The following TENM1 variants were observed in gnomAD, a reference collection of about 807,000 sequenced individuals.
The protein encoded by TENM1 is teneurin-1.
A neutral mutation model predicts 174.8 loss-of-function variants in TENM1; 35 were observed. The observed-to-expected ratio is 0.20, with a 90% confidence interval of 0.15 to 0.27. The LOEUF (loss-of-function observed/expected upper bound fraction) is 0.27, where lower values mean the gene tolerates loss of function less well. Ranked by LOEUF, TENM1 falls within the 10% of genes least tolerant of loss-of-function variation. TENM1 has a pLI of 1.00. For missense variants in TENM1, 1,633 were observed against 2,130.1 expected, an observed-to-expected ratio of 0.77 and a Z score of 4.59; for synonymous variants, 781 against 798.7, an observed-to-expected ratio of 0.98 and a Z score of 0.37.
At chrX:124,737,323 T>C in intron 3 of TENM1, 126 bp from the exon 7 acceptor site, 1 of 757,338 alleles carries the variant, frequency 1.3e-6, no homozygotes, top group Non-Finnish European at 1.8e-6. Flanking sequence ...GAGGTTGTTT[T>C]AAGTTCAGTC....
intron 3 of TENM1, among the ~76,000 whole-genome samples, chrX:124,750,728 G>C (rs369251124): frequency 8.9e-6 from 1 of 111,901 alleles, no homozygotes; most frequent in East Asian, 2.8e-4. Context: ...GGAGAACTTA[G>C]TGCAAGGCCT....
chrX:124,829,290 G>GT (rs2056237092), intron 3 of TENM1, among the ~76,000 whole-genome samples: 1 of 112,136 alleles, frequency 8.9e-6, no homozygotes, highest in African/African-American at 3.2e-5. Context: ...TCTGCAAGAT[G>GT]TATCTAAAAA....
At chrX:124,412,016 G>A (rs768756062) in intron 25 of TENM1, 1 of 112,410 alleles carries the variant, frequency 8.9e-6, no homozygotes, top group East Asian at 2.8e-4. Context: ...CACCTAACCA[G>A]GCTGCAAATT....
the TENM1 span, among the ~76,000 whole-genome samples, chrX:125,131,389 C>T: frequency 1.8e-5 from 2 of 112,180 alleles, no homozygotes; most frequent in East Asian, 5.6e-4. Context: ...GTATCAGCTG[C>T]TCTACCAGGT....
chrX:125,119,450 CTTT>C, the TENM1 span, among the ~76,000 whole-genome samples: 1 of 100,649 alleles, frequency 9.9e-6, no homozygotes, highest in Non-Finnish European at 2.0e-5. Context: ...TTATTTACTG[CTTT>C]TTTTTTTTTC....
chrX:124,570,178 T>C (rs1474067001), intron 11 of TENM1, among the ~76,000 whole-genome samples: 4 of 111,564 alleles, frequency 3.6e-5, no homozygotes, highest in Non-Finnish European at 7.5e-5. Context: ...GGAAACTGAA[T>C]AGTTTCTTTA....
chrX:124,480,310 C>T (rs1402073247), intron 22 of TENM1, among the ~76,000 whole-genome samples: 8 of 111,934 alleles, frequency 7.1e-5, no homozygotes, highest in Non-Finnish European at 1.5e-4. Flanking sequence ...TGGGGTTAGC[C>T]AGAGGGGCTT....
At chrX:125,100,705 A>G in the TENM1 span, among the ~76,000 whole-genome samples, 6 of 111,988 alleles carry the variant, frequency 5.4e-5, no homozygotes, top group Non-Finnish European at 1.1e-4. Context: ...AGTTAGCATT[A>G]TGTGTTTTGA....
chrX:124,920,607 A>G (rs1440772293), intron 1 of TENM1, among the ~76,000 whole-genome samples: 2 of 111,447 alleles, frequency 1.8e-5, no homozygotes, highest in African/African-American at 6.5e-5. Flanking sequence ...AAATTGTTCT[A>G]GTTCATATTT....
upstream of TENM1, among the ~76,000 whole-genome samples, chrX:124,968,544 A>G (rs1173444989): frequency 4.5e-5 from 5 of 112,218 alleles, no homozygotes; most frequent in African/African-American, 6.5e-5. Context: ...CAAATTTCCA[A>G]TCATAACTAT....
chrX:124,568,545 G>A (rs749243504), intron 11 of TENM1, among the ~76,000 whole-genome samples: 25 of 111,953 alleles, frequency 2.2e-4, no homozygotes, highest in South Asian at 1.5e-3. Flanking sequence ...TATATTATTC[G>A]GGAGTTAGGT....
chrX:124,922,205 T>C (rs1440755338), intron 1 of TENM1, among the ~76,000 whole-genome samples: 1 of 111,616 alleles, frequency 9.0e-6, no homozygotes, highest in African/African-American at 3.2e-5. Context: ...GTTTGCAGTC[T>C]TTTTCTCTTA....
chrX:124,749,074 T>G (rs1480790566), intron 3 of TENM1, among the ~76,000 whole-genome samples: 1 of 111,572 alleles, frequency 9.0e-6, no homozygotes, highest in Admixed American at 9.6e-5. Flanking sequence ...ATAGTTGATT[T>G]TTTTTCACAA....
At chrX:124,621,086 T>G (rs1346434808) in intron 11 of TENM1, among the ~76,000 whole-genome samples, 1 of 112,237 alleles carries the variant, frequency 8.9e-6, no homozygotes, top group East Asian at 2.8e-4. Context: ...AAGTTGAGTA[T>G]CCCTTATTCG....
chrX:124,737,143 G>C (rs762342601), exon 4 of TENM1: 3 of 1,210,048 alleles, frequency 2.5e-6, no homozygotes, highest in Non-Finnish European at 3.4e-6. Context: ...AGGAGGCGGA[G>C]GTGGCGGTGG....
At chrX:125,083,569 T>A in the TENM1 span, among the ~76,000 whole-genome samples, 512 of 110,753 alleles carry the variant, frequency 4.6e-3, 3 homozygotes, top group Middle Eastern at 9.2e-3. Flanking sequence ...TTACTAAGTT[T>A]TTGAAAGTCA....
upstream of TENM1, among the ~76,000 whole-genome samples, chrX:124,965,666 A>G (rs1451466225): frequency 1.8e-5 from 2 of 109,379 alleles, no homozygotes; most frequent in South Asian, 7.6e-4. Context: ...GAGCATGCTT[A>G]AAGAGAAAGC....
intron 3 of TENM1, among the ~76,000 whole-genome samples, chrX:124,753,967 C>T (rs1205710723): frequency 9.0e-6 from 1 of 111,490 alleles, no homozygotes; most frequent in Non-Finnish European, 1.9e-5. Flanking sequence ...GGTTGTGTCT[C>T]TGCCAGGCTT....
chrX:124,644,132 T>C (rs2051092467), intron 10 of TENM1, among the ~76,000 whole-genome samples: 1 of 98,904 alleles, frequency 1.0e-5, no homozygotes, highest in East Asian at 3.0e-4. Flanking sequence ...ATATATGCCA[T>C]ATATATATAT....
Sources: allele counts gnomAD v4.1 joint callset (sites outside exome capture counted in the v4.1 genomes callset), GRCh38; gene constraint gnomAD v4.1.1; transcripts MANE v1.5; gene names NCBI Gene and HGNC (gene_info 2026-07-23, HGNC 2026-07-21).